The following SAFB2 variants were observed in gnomAD, a reference collection of about 807,000 sequenced individuals.
The protein encoded by SAFB2 is scaffold attachment factor B2.
Under a neutral mutation model 100.6 loss-of-function variants are expected in SAFB2, and 32 were observed. The observed-to-expected ratio is 0.32, with a 90% confidence interval of 0.24 to 0.43. The LOEUF (loss-of-function observed/expected upper bound fraction) is 0.43. SAFB2 is among the 20% of genes least tolerant of loss of function. SAFB2 has a pLI of 1.00. For missense variants in SAFB2, 1,185 were observed against 1,163.4 expected (o/e 1.02, Z -0.27); for synonymous variants, 500 against 439.4 (o/e 1.14, Z -1.72).
Position 5,590,309 on chromosome 19 carries a change from T to C in SAFB2, c.2494A>G (p.Ser832Gly). ...GGAGGGGGCAGCCCCCGGCCTTCAC[T>C]CAGCCTCTTGTCGGAGCCGTAGCCC... ...WGGYGSDKRL[S>G]EGRGLPPPPR... The change falls in exon 18 of 21, where the codon AGT (serine) becomes GGT (glycine). Residue 832 changes from serine to glycine, a missense_variant. By Grantham distance (56) the Ser-to-Gly change is moderately conservative. Around this residue, in one of 3 missense-constraint regions of SAFB2, gnomAD observed 740 missense variants for 687.1 expected, o/e 1.08. Coordinates refer to ENST00000252542, the MANE Select transcript of SAFB2 (RefSeq NM_014649.3). 1.2e-6 allele frequency: 2 copies of C among 1,605,266 alleles called. No homozygotes were observed. Among genetic ancestry groups the C allele is most frequent in the Non-Finnish European group, 1.7e-6 (2 of 1,176,590 alleles).
chr19:5,613,746 G>C (rs2052961978), intron 4 of SAFB2: 5 of 985,440 alleles, frequency 5.1e-6, no homozygotes, highest in Non-Finnish European at 6.0e-6. Context: ...CTGCAGGTGG[G>C]TATGCCCTGT....
intron 11 of SAFB2, among the ~76,000 whole-genome samples, chr19:5,602,603 C>A (rs747194082): frequency 1.3e-5 from 2 of 151,758 alleles, no homozygotes; most frequent in African/African-American, 2.4e-5. Context: ...TCAGGCAGGG[C>A]GCGCTCCCCT....
intron 1 of SAFB2, among the ~76,000 whole-genome samples, chr19:5,622,122 C>A (rs1459647293): frequency 6.6e-6 from 1 of 152,234 alleles, no homozygotes; most frequent in Non-Finnish European, 1.5e-5. Context: ...GGGGCAAGAA[C>A]AAGCACCGCC....
At chr19:5,617,285 A>G (rs1011220336) in intron 2 of SAFB2, among the ~76,000 whole-genome samples, 2 of 151,860 alleles carry the variant, frequency 1.3e-5, no homozygotes, top group Non-Finnish European at 2.9e-5. Flanking sequence ...TTTTTCCCCC[A>G]AGGCAAAAAG....
intron 14 of SAFB2, 152 bp downstream of exon 14, chr19:5,595,209 C>G (rs1293696983): frequency 2.0e-6 from 2 of 1,017,478 alleles, no homozygotes; most frequent in Non-Finnish European, 2.9e-6. Flanking sequence ...AGGTGCTGGC[C>G]CCTGCCTCGA....
chr19:5,606,025 A>AAGGAGCAGAGGGAACAATC (rs556779579), intron 9 of SAFB2, among the ~76,000 whole-genome samples: 2 of 152,166 alleles, frequency 1.3e-5, no homozygotes, highest in Admixed American at 6.5e-5. Context: ...CACCACCCAT[A>AAGGAGCAGAGGGAACAATC]AGGAGCAGAG....
intron 13 of SAFB2, 74 bp downstream of exon 13, chr19:5,598,719 A>G (rs1226585833): frequency 1.5e-6 from 2 of 1,376,634 alleles, no homozygotes; most frequent in East Asian, 2.3e-5. Flanking sequence ...TGCTGTTTTC[A>G]TAATGCGGAT....
At position 5,587,718 on chromosome 19, in the gene SAFB2, G is replaced by A; in HGVS notation, c.2688C>T (p.Ser896=). The A allele has an allele frequency of 6.4e-7, 1 of 1,551,998 alleles. No homozygotes were observed. The highest frequency in any genetic ancestry group is 8.7e-7 in the Non-Finnish European group (1 of 1,147,272). The change falls in exon 20 of 21, where the codon AGC becomes AGT. Residue 896 remains serine, a synonymous_variant. Transcript: ENST00000252542. The surrounding 1 kb of genome is among the most constrained non-coding windows in gnomAD (Gnocchi z 4.9). The part of the protein sequence containing the change: ...SGPSGPGHMA[S]RGGVAGRGGF... The stretch of plus-strand genomic sequence containing the variant: ...CACCTTACCCCGCCACTCCACCGCG[G>A]CTTGCCATGTGCCCCGGCCCCGAGG...
intron 9 of SAFB2, among the ~76,000 whole-genome samples, chr19:5,605,895 G>A (rs989778345): frequency 1.3e-5 from 2 of 152,256 alleles, no homozygotes; most frequent in Middle Eastern, 3.4e-3. Flanking sequence ...GAGAAATCAC[G>A]GAACTGAGTA....
At chr19:5,606,457 C>G (rs1299861715) in intron 9 of SAFB2, among the ~76,000 whole-genome samples, 1 of 152,174 alleles carries the variant, frequency 6.6e-6, no homozygotes, top group East Asian at 1.9e-4. Context: ...GAAACCACAT[C>G]TGTACCAAAA....
chr19:5,590,531 AG>A, intron 17 of SAFB2, 123 bp from the exon 18 acceptor site: 1 of 1,142,340 alleles, frequency 8.8e-7, no homozygotes, highest in Non-Finnish European at 1.2e-6. Context: ...AGAGGACTGA[AG>A]GGTGCAGTCT....
chr19:5,621,995 A>T (rs2053163827), intron 1 of SAFB2, among the ~76,000 whole-genome samples: 1 of 152,246 alleles, frequency 6.6e-6, no homozygotes, highest in South Asian at 2.1e-4. Context: ...GGGGCAGCGC[A>T]TTAGGAAGGG....
intron 13 of SAFB2, chr19:5,598,416 T>C (rs1362325787): frequency 1.2e-5 from 3 of 256,104 alleles, no homozygotes; most frequent in Non-Finnish European, 2.3e-5. Flanking sequence ...GTTAATTTAA[T>C]AGGAGACTAA....
intron 2 of SAFB2, among the ~76,000 whole-genome samples, chr19:5,619,360 C>G (rs2053096167): frequency 6.6e-6 from 1 of 152,210 alleles, no homozygotes; most frequent in Admixed American, 6.5e-5. Context: ...CTAACCCTCA[C>G]TAGAGCTGAG....
intron 11 of SAFB2, among the ~76,000 whole-genome samples, chr19:5,602,406 G>A (rs1273574742): frequency 4.6e-5 from 7 of 150,552 alleles, no homozygotes; most frequent in South Asian, 4.2e-4. Context: ...CGTGAACCCG[G>A]GAGGCGGAGC....
chr19:5,611,719 A>G (rs1262792197), intron 6 of SAFB2, 89 bp from the exon 7 acceptor site: 1 of 404,254 alleles, frequency 2.5e-6, no homozygotes, highest in Non-Finnish European at 5.0e-6. Flanking sequence ...CGGCTGCCAC[A>G]CTAACACGAA....
chr19:5,622,242 CG>C (rs552228823), intron 1 of SAFB2, among the ~76,000 whole-genome samples: 82 of 152,340 alleles, frequency 5.4e-4, no homozygotes, highest in Admixed American at 1.5e-3. Context: ...AAGGCTCGAT[CG>C]GGAGCCCCAG....
intron 4 of SAFB2, chr19:5,613,791 G>T (rs1247960150): frequency 1.0e-6 from 1 of 971,690 alleles, no homozygotes; most frequent in African/African-American, 1.8e-5. Flanking sequence ...AATTTCCCAG[G>T]CAGTTTCTAA....
chr19:5,606,541 C>T (rs960761318), intron 9 of SAFB2, among the ~76,000 whole-genome samples: 2 of 152,052 alleles, frequency 1.3e-5, no homozygotes, highest in Non-Finnish European at 1.5e-5. Context: ...GTGAGAGGAT[C>T]GCTTGAGCCC....
Sources: gnomAD v4.1 joint callset for allele counts (sites outside exome capture counted in the v4.1 genomes callset) on GRCh38, gnomAD v4.1.1 for gene constraint, gnomAD v4.1.1 regional missense constraint, Gnocchi (gnomAD v3.1) non-coding constraint, MANE v1.5 for transcripts, NCBI Gene and HGNC (gene_info 2026-07-23, HGNC 2026-07-21) for gene names.